Variants in SLC1A7 observed in about 807,000 individuals in gnomAD.
The protein encoded by SLC1A7 is solute carrier family 1 member 7, also known as excitatory amino acid transporter 5.
Under a neutral mutation model 47.7 loss-of-function variants are expected in SLC1A7, and 40 were observed. That is an observed-to-expected ratio of 0.84 (90% CI 0.65 to 1.09). The LOEUF is 1.09. Ranked by LOEUF, SLC1A7 falls within the 50% of genes least tolerant of loss-of-function variation. SLC1A7 has a pLI of 0.00. For missense variants in SLC1A7, 746 were observed against 769.5 expected (o/e 0.97, Z 0.36); for synonymous variants, 323 against 325.6 (o/e 0.99, Z 0.09).
chr1:53,107,110 C>A (rs575575509), intron 3 of SLC1A7, among the ~76,000 whole-genome samples: 1 of 137,702 alleles, frequency 7.3e-6, no homozygotes, highest in Admixed American at 7.8e-5. Flanking sequence ...GAGCTGAGAT[C>A]GCACCACTGC....
intron 2 of SLC1A7, among the ~76,000 whole-genome samples, chr1:53,127,326 G>A (rs1308957204): frequency 3.9e-5 from 6 of 152,280 alleles, no homozygotes; most frequent in Admixed American, 2.0e-4. Flanking sequence ...TATTTTTACA[G>A]TAAGGGAGCA....
At chr1:53,092,351 C>T (rs1036080999) in intron 7 of SLC1A7, among the ~76,000 whole-genome samples, 5 of 152,198 alleles carry the variant, frequency 3.3e-5, no homozygotes, top group Non-Finnish European at 7.4e-5. Context: ...GGACTGGGGC[C>T]GTGGGGGAAG....
intron 2 of SLC1A7, among the ~76,000 whole-genome samples, chr1:53,123,776 A>T (rs1644850682): frequency 6.6e-6 from 1 of 152,136 alleles, no homozygotes; most frequent in Admixed American, 6.5e-5. Context: ...TGGAGGTCTG[A>T]CCCCACCCGC....
chr1:53,103,551 G>A lies in SLC1A7; in HGVS notation c.492C>T (p.Thr164=), dbSNP rs1298838249. 1.2e-6 allele frequency: 2 copies of A among 1,600,720 alleles called. No individual in the cohort carries two copies. The highest frequency in any genetic ancestry group is 3.4e-5 in the Admixed American group (2 of 58,926). ...CCACCTTGGGGGACTTGACAACTGG[G>A]GTGGTCTTGGTGCGGTACTGGTGGG... is the stretch of plus-strand genomic sequence containing the variant. ...ATFKQYRTKT[T]PVVKSPKVAP... is the part of the protein sequence containing the mutation. Residue 164 remains threonine (T), a synonymous_variant, in exon 5 of 11, where the codon ACC becomes ACT. Transcript: ENST00000371494.
chr1:53,094,174 G>A (rs78751306), intron 5 of SLC1A7, among the ~76,000 whole-genome samples: 5,537 of 152,334 alleles, frequency 0.036, 179 homozygotes, highest in East Asian at 0.16. Flanking sequence ...TCCTCTGCGA[G>A]GTTAGCTCAG....
intron 2 of SLC1A7, 94 bp downstream of exon 2, chr1:53,134,256 G>T: frequency 1.2e-6 from 1 of 848,988 alleles, no homozygotes; most frequent in Non-Finnish European, 1.9e-6. Context: ...GCCTGTGGTT[G>T]CTCTCCAGCC....
chr1:53,094,320 C>T (rs1031817682), intron 5 of SLC1A7, among the ~76,000 whole-genome samples: 1 of 152,226 alleles, frequency 6.6e-6, no homozygotes, highest in Non-Finnish European at 1.5e-5. Flanking sequence ...AGCTCGCACA[C>T]ACCAGGAAAG....
At chr1:53,130,799 A>G (rs1246537600) in intron 2 of SLC1A7, among the ~76,000 whole-genome samples, 2 of 152,124 alleles carry the variant, frequency 1.3e-5, no homozygotes, top group African/African-American at 4.8e-5. Flanking sequence ...TGCCCTGAGT[A>G]ACAACCTCAC....
At chr1:53,090,477 C>T (rs890944168) in intron 8 of SLC1A7, 135 bp downstream of exon 8, 1 of 1,350,058 alleles carries the variant, frequency 7.4e-7, no homozygotes, top group Non-Finnish European at 9.8e-7. Context: ...TCGGAGCTCC[C>T]AGCCCTGGCC....
intron 1 of SLC1A7, among the ~76,000 whole-genome samples, chr1:53,136,792 G>C (rs111985904): frequency 2.1e-4 from 32 of 150,328 alleles, no homozygotes; most frequent in African/African-American, 6.9e-4. Context: ...TCAGGCTCCC[G>C]AGTAGCTGAG....
At chr1:53,137,039 C>A (rs2806274) in intron 1 of SLC1A7, among the ~76,000 whole-genome samples, 22,428 of 152,000 alleles carry the variant, frequency 0.15, 1,921 homozygotes, top group Non-Finnish European at 0.19. Context: ...GTAATCCCAG[C>A]ACTTTGGGAG....
intron 3 of SLC1A7, 145 bp downstream of exon 3, chr1:53,114,613 C>T (rs1404559292): frequency 2.5e-5 from 17 of 671,484 alleles, no homozygotes; most frequent in Admixed American, 1.0e-4. Flanking sequence ...ATGAGCCCAG[C>T]GGGCAGCCCA....
Position 53,092,631 on chromosome 1 carries a change from G to GAAGAAGTAGAGCAGGGGCAGGATA in SLC1A7, c.930_953dup (p.Leu312_Ile319dup), listed in dbSNP as rs750010980. ...AGACGATGGGATTCTTCTTGGTGAT[G>GAAGAAGTAGAGCAGGGGCAGGATA]AAGAAGTAGAGCAGGGGCAGGATAA... On this transcript the variant is annotated inframe_insertion, in exon 7 of 11. Transcript: ENST00000371494. 6.8e-6 allele frequency: 11 copies of GAAGAAGTAGAGCAGGGGCAGGATA among 1,614,068 alleles called. No individual in the cohort carries two copies. The Admixed American group carries it at 1.8e-4, about 27-fold the overall frequency.
chr1:53,103,463 G>A lies in SLC1A7; in HGVS notation c.580C>T (p.His194Tyr), dbSNP rs759432499. ...IYGVQEENGSHVQNFALDLTP... is the reference protein window; with the variant it reads ...IYGVQEENGSYVQNFALDLTP... Reference sequence around the variant, plus strand: ...AGGTCCAGGGCGAAGTTCTGCACATGGGAGCCATTCTCCTCCTGGACCCCG... The same window carrying A: ...AGGTCCAGGGCGAAGTTCTGCACATAGGAGCCATTCTCCTCCTGGACCCCG... Residue 194 changes from histidine to tyrosine, a missense_variant, in exon 5 of 11, where the codon CAT (histidine) becomes TAT (tyrosine). Coordinates refer to ENST00000371494, the MANE Select transcript of SLC1A7 (RefSeq NM_006671.6). 1 of 1,613,218 alleles carries A rather than the reference G, an allele frequency of 6.2e-7. No individual in the cohort carries two copies. Among genetic ancestry groups the A allele is most frequent in the South Asian group, 1.1e-5 (1 of 90,816 alleles).
intron 2 of SLC1A7, among the ~76,000 whole-genome samples, chr1:53,120,496 C>A (rs1232297722): frequency 6.6e-6 from 1 of 151,834 alleles, no homozygotes; most frequent in Non-Finnish European, 1.5e-5. Context: ...TGGGGCTGGG[C>A]CGCTCTCCTC....
At chr1:53,100,416 C>T (rs12736292) in intron 5 of SLC1A7, among the ~76,000 whole-genome samples, 102,192 of 147,336 alleles carry the variant, frequency 0.69, 39,555 homozygotes, top group Non-Finnish European at 0.88. Context: ...TACACTCACA[C>T]GTCTTGTTTC....
chr1:53,113,179 A>G (rs1487641836), intron 3 of SLC1A7, among the ~76,000 whole-genome samples: 2 of 152,174 alleles, frequency 1.3e-5, no homozygotes, highest in Non-Finnish European at 2.9e-5. Context: ...GAGAGGTACT[A>G]GAAGGTGTTC....
At chr1:53,142,225 G>A in intron 1 of SLC1A7, 90 bp downstream of exon 1, 1 of 1,400,084 alleles carries the variant, frequency 7.1e-7, no homozygotes, top group Non-Finnish European at 9.6e-7. Context: ...CATGGCACCA[G>A]GGAGCTGTGA....
At chr1:53,092,866 C>G (rs910259163) in intron 6 of SLC1A7, 79 bp from the exon 7 acceptor site, 15 of 949,448 alleles carry the variant, frequency 1.6e-5, no homozygotes, top group Non-Finnish European at 2.5e-5. Context: ...CGCTGCGCGG[C>G]CTTCCCCCTG....
Sources: allele counts gnomAD v4.1 joint callset (sites outside exome capture counted in the v4.1 genomes callset), GRCh38; gene constraint gnomAD v4.1.1; transcripts MANE v1.5; gene names NCBI Gene and HGNC (gene_info 2026-07-23, HGNC 2026-07-21).